The following CFAP299 variants were observed in gnomAD, a reference collection of about 807,000 sequenced individuals.
The protein encoded by CFAP299 is cilia and flagella associated protein 299, also known as cilia- and flagella-associated protein 299.
Under a neutral mutation model 27.0 loss-of-function variants are expected in CFAP299, and 21 were observed. The observed-to-expected ratio is 0.78, with a 90% confidence interval of 0.55 to 1.12. The LOEUF is 1.12. Ranked by LOEUF, CFAP299 falls within the 50% of genes most tolerant of loss-of-function variation. The pLI, the probability that CFAP299 is intolerant of heterozygous loss-of-function variation, is 0.00. For missense variants in CFAP299, 310 were observed against 276.6 expected (o/e 1.12, Z -0.86); for synonymous variants, 104 against 98.1 (o/e 1.06, Z -0.36).
In CFAP299 at chr4:80,602,035, G is replaced by A. The variant is rs1374886367; in HGVS notation, c.333+18852G>A. 2.6e-5 allele frequency among the ~76,000 whole-genome samples: 4 copies of A among 152,130 alleles called. No individual in the cohort carries two copies. The East Asian group carries it at 7.7e-4, about 29-fold the overall frequency. ...TGAGAACACATGGATGCTTAGAGGG[G>A]AACAACACATACTGGGGTCTATCAC... On this transcript the variant is annotated intron_variant, in intron 3 of 5. Coordinates refer to ENST00000358105, the MANE Select transcript of CFAP299 (RefSeq NM_152770.3).
At chr4:80,414,573 TTTG>T (rs1174722074) in intron 2 of CFAP299, among the ~76,000 whole-genome samples, 2 of 152,178 alleles carry the variant, frequency 1.3e-5, no homozygotes, top group Non-Finnish European at 2.9e-5. Flanking sequence ...TTCAAAGCGT[TTTG>T]TTGTTGTTGC....
chr4:80,551,537 A>G (rs1483083491), intron 2 of CFAP299, among the ~76,000 whole-genome samples: 1 of 152,174 alleles, frequency 6.6e-6, no homozygotes, highest in East Asian at 1.9e-4. Flanking sequence ...CATATACTAT[A>G]TTCAAAGTCC....
intron 2 of CFAP299, among the ~76,000 whole-genome samples, chr4:80,496,860 CAG>C (rs1731467660): frequency 6.6e-6 from 1 of 152,074 alleles, no homozygotes. Flanking sequence ...TGGCAAAAGA[CAG>C]AGGGGGAGTA....
chr4:80,927,670 A>G lies in CFAP299; in HGVS notation c.477-17140A>G, dbSNP rs547790527. On this transcript the variant is annotated intron_variant, in intron 4 of 5. Coordinates refer to ENST00000358105, the MANE Select transcript of CFAP299 (RefSeq NM_152770.3). The stretch of plus-strand genomic sequence containing the variant: ...TGGCAAAATCTAGTTCCTTCTGGCT[A>G]TTGGACTGAGTCCCATGGCCCCTGT... Among the ~76,000 whole-genome samples the G allele has an allele frequency of 2.0e-3, 307 of 152,192 alleles. 2 individuals carry two copies. The highest frequency in any genetic ancestry group is 3.7e-3 in the South Asian group (18 of 4,818).
chr4:80,488,116 A>G (rs570284369), intron 2 of CFAP299, among the ~76,000 whole-genome samples: 3 of 152,344 alleles, frequency 2.0e-5, no homozygotes, highest in African/African-American at 4.8e-5. Flanking sequence ...ACTGTTGCCT[A>G]TTGGTATACA....
At chr4:80,479,414 A>G (rs1180299653) in intron 2 of CFAP299, among the ~76,000 whole-genome samples, 2 of 152,020 alleles carry the variant, frequency 1.3e-5, no homozygotes, top group Non-Finnish European at 2.9e-5. Context: ...AAGGATTCCA[A>G]TAGTCAAATA....
chr4:80,347,672 G>A (rs1722803409), intron 1 of CFAP299, among the ~76,000 whole-genome samples: 1 of 152,164 alleles, frequency 6.6e-6, no homozygotes, highest in African/African-American at 2.4e-5. Context: ...CTCATGGATA[G>A]GAAGAATTAA....
chr4:80,391,363 C>T (rs1725471346), intron 2 of CFAP299, among the ~76,000 whole-genome samples: 1 of 152,208 alleles, frequency 6.6e-6, no homozygotes, highest in African/African-American at 2.4e-5. Flanking sequence ...CTTTTCTCCA[C>T]ATACTTGCCA....
At chr4:80,506,021 T>A (rs1362067148) in intron 2 of CFAP299, among the ~76,000 whole-genome samples, 2 of 150,668 alleles carry the variant, frequency 1.3e-5, no homozygotes, top group African/African-American at 4.9e-5. Flanking sequence ...TAAATATATA[T>A]ATAAAAATAA....
chr4:80,540,405 G>A (rs1253546939), intron 2 of CFAP299, among the ~76,000 whole-genome samples: 3 of 152,150 alleles, frequency 2.0e-5, no homozygotes, highest in African/African-American at 7.2e-5. Flanking sequence ...TTGTAAGCAG[G>A]TTCAGTAAAT....
At chr4:80,569,235 A>G (rs1735461770) in intron 2 of CFAP299, among the ~76,000 whole-genome samples, 1 of 152,060 alleles carries the variant, frequency 6.6e-6, no homozygotes, top group Non-Finnish European at 1.5e-5. Flanking sequence ...TGGGACTCTG[A>G]CTGATAAAGT....
At chr4:80,694,912 T>G (rs1408457277) in intron 3 of CFAP299, among the ~76,000 whole-genome samples, 3 of 152,206 alleles carry the variant, frequency 2.0e-5, no homozygotes, top group Non-Finnish European at 4.4e-5. Flanking sequence ...TTTACATGGC[T>G]TAGATGATTC....
At chr4:80,600,229 A>G (rs1200884917) in intron 3 of CFAP299, among the ~76,000 whole-genome samples, 1 of 152,072 alleles carries the variant, frequency 6.6e-6, no homozygotes, top group Non-Finnish European at 1.5e-5. Flanking sequence ...ACTTTTTCCC[A>G]CCTGTTGACT....
chr4:80,618,816 G>T (rs752052650), intron 3 of CFAP299, among the ~76,000 whole-genome samples: 2 of 151,864 alleles, frequency 1.3e-5, no homozygotes, highest in African/African-American at 2.4e-5. Flanking sequence ...TGTAATAAGG[G>T]TAAGTATAAT....
intron 4 of CFAP299, among the ~76,000 whole-genome samples, chr4:80,914,860 C>A (rs1375757530): frequency 1.3e-5 from 2 of 151,998 alleles, no homozygotes; most frequent in African/African-American, 4.8e-5. Flanking sequence ...TAATTTATTT[C>A]TTTTTCTTGA....
chr4:80,419,367 A>G (rs1282131188), intron 2 of CFAP299, among the ~76,000 whole-genome samples: 3 of 152,178 alleles, frequency 2.0e-5, no homozygotes, highest in Non-Finnish European at 4.4e-5. Flanking sequence ...GGAGGAATGC[A>G]TGAGCATTGT....
chr4:80,953,564 C>T (rs951110123), intron 5 of CFAP299, among the ~76,000 whole-genome samples: 1 of 152,014 alleles, frequency 6.6e-6, no homozygotes, highest in Non-Finnish European at 1.5e-5. Flanking sequence ...ATTAAAACTC[C>T]TAAAACTTAA....
chr4:80,326,249 T>C, the CFAP299 span, among the ~76,000 whole-genome samples: 1 of 152,262 alleles, frequency 6.6e-6, no homozygotes, highest in South Asian at 2.1e-4. Context: ...GGTGTGTGTG[T>C]GCATTGCGTG....
At chr4:80,357,740 G>A (rs1254251101) in intron 1 of CFAP299, among the ~76,000 whole-genome samples, 1 of 151,666 alleles carries the variant, frequency 6.6e-6, no homozygotes, top group Non-Finnish European at 1.5e-5. Flanking sequence ...TTCTTCATTA[G>A]TCTAGCTAGT....
Sources: allele counts gnomAD v4.1 joint callset (sites outside exome capture counted in the v4.1 genomes callset), GRCh38; gene constraint gnomAD v4.1.1; transcripts MANE v1.5; gene names NCBI Gene and HGNC (gene_info 2026-07-23, HGNC 2026-07-21).